Variants in PTPRG observed in about 807,000 individuals in gnomAD.
PTPRG encodes the protein receptor-type tyrosine-protein phosphatase gamma.
Under a neutral mutation model 165.3 loss-of-function variants are expected in PTPRG, and 102 were observed. That is an observed-to-expected ratio of 0.62 (90% CI 0.53 to 0.73). The LOEUF (loss-of-function observed/expected upper bound fraction) is 0.73. Ranked by LOEUF, PTPRG falls within the 30% of genes least tolerant of loss-of-function variation. The pLI is 0.00. For missense variants in PTPRG, 1,866 were observed against 1,861.4 expected (o/e 1.00, Z -0.05); for synonymous variants, 675 against 669.5 (o/e 1.01, Z -0.13).
chr3:61,725,118 A>G (rs1343394008), intron 1 of PTPRG, among the ~76,000 whole-genome samples: 1 of 152,052 alleles, frequency 6.6e-6, no homozygotes, highest in Non-Finnish European at 1.5e-5. Flanking sequence ...TTACATTTAA[A>G]TGTACAATCC....
intron 2 of PTPRG, among the ~76,000 whole-genome samples, chr3:61,761,508 G>C (rs921644276): frequency 6.6e-6 from 1 of 152,180 alleles, no homozygotes; most frequent in African/African-American, 2.4e-5. Context: ...AACCCTGGAG[G>C]TGGAGGTTGC....
At chr3:61,670,924 C>T (rs114900732) in intron 1 of PTPRG, among the ~76,000 whole-genome samples, 3 of 152,090 alleles carry the variant, frequency 2.0e-5, no homozygotes, top group East Asian at 1.9e-4. Flanking sequence ...GGGAGTGTGA[C>T]GTAGAGACAC....
intron 4 of PTPRG, among the ~76,000 whole-genome samples, chr3:62,035,282 C>T (rs187195130): frequency 1.3e-5 from 2 of 152,272 alleles, no homozygotes; most frequent in Admixed American, 1.3e-4. Context: ...ACCTCAGCAT[C>T]ACCTGGAAAT....
At chr3:61,923,563 C>T (rs182901225) in intron 2 of PTPRG, among the ~76,000 whole-genome samples, 6 of 136,362 alleles carry the variant, frequency 4.4e-5, no homozygotes, top group Admixed American at 2.2e-4. Context: ...CCCCTCCCCC[C>T]ACCCCACAAC....
At chr3:62,250,203 T>TA (rs1559706240) in intron 15 of PTPRG, among the ~76,000 whole-genome samples, 1 of 152,234 alleles carries the variant, frequency 6.6e-6, no homozygotes, top group Non-Finnish European at 1.5e-5. Context: ...CTCTATGAAT[T>TA]AAGTACTGTT....
intron 4 of PTPRG, among the ~76,000 whole-genome samples, chr3:62,039,258 G>GTTTTGT: frequency 7.4e-6 from 1 of 135,456 alleles, no homozygotes; most frequent in South Asian, 2.5e-4. Context: ...TTTTTTTTTG[G>GTTTTGT]TTTTGTTTTT....
intron 1 of PTPRG, among the ~76,000 whole-genome samples, chr3:61,575,564 T>C (rs1431575474): frequency 6.6e-6 from 1 of 151,536 alleles, no homozygotes; most frequent in African/African-American, 2.4e-5. Context: ...GAGATGTGTG[T>C]GCAAAGCACC....
intron 5 of PTPRG, among the ~76,000 whole-genome samples, chr3:62,111,223 C>T (rs1559519204): frequency 6.6e-6 from 1 of 152,208 alleles, no homozygotes; most frequent in Non-Finnish European, 1.5e-5. Flanking sequence ...AATCAACAGG[C>T]AGTGCCTGCG....
chr3:61,833,812 G>A (rs888115658), intron 2 of PTPRG, among the ~76,000 whole-genome samples: 4 of 152,098 alleles, frequency 2.6e-5, no homozygotes, highest in African/African-American at 9.7e-5. Context: ...CAGTGTGCCC[G>A]CCTCGGCCTC....
chr3:62,175,309 C>T (rs1265614909), intron 8 of PTPRG, among the ~76,000 whole-genome samples: 1 of 152,160 alleles, frequency 6.6e-6, no homozygotes, highest in Non-Finnish European at 1.5e-5. Flanking sequence ...CCTGAAACAC[C>T]TGTGGTCAGA....
intron 1 of PTPRG, among the ~76,000 whole-genome samples, chr3:61,681,026 A>G (rs1304536556): frequency 7.6e-6 from 1 of 131,268 alleles, no homozygotes; most frequent in Non-Finnish European, 1.6e-5. Flanking sequence ...TTTTAGTGAG[A>G]TTGAGTTAAT....
At position 61,671,329 on chromosome 3, in the gene PTPRG, G is replaced by T. The variant is rs538265336; in HGVS notation, c.86-77549G>T. 2.4e-4 allele frequency among the ~76,000 whole-genome samples: 37 copies of T among 151,950 alleles called. 1 individual carries two copies. Among genetic ancestry groups the T allele is most frequent in the Admixed American group, 2.4e-3 (36 of 15,272 alleles). On this transcript the variant is annotated intron_variant, in intron 1 of 29. Transcript: ENST00000474889. ...GTCCCTGGGTACTTGAGACTAGGGA[G>T]TGGTGATGACTCGTAAGGAGCATGC...
chr3:62,203,247 C>T lies in PTPRG; in HGVS notation c.1452C>T (p.Gly484=). ...GGTCTTCTACCTGGACGTCCTCTGG[C>T]ATCCCATTCTCATTTGTTTCCATGG... ...SSGSSTWTSS[G]IPFSFVSMAT... The change falls in exon 12 of 30, where the codon GGC becomes GGT. Residue 484 remains glycine (G), a synonymous_variant. Transcript: ENST00000474889. This position sits in a 1 kb window ranked among gnomAD's most constrained non-coding sequence, Gnocchi z 6.4. The T allele has an allele frequency of 6.2e-7, 1 of 1,613,944 alleles. No individual in the cohort carries two copies. Among genetic ancestry groups the T allele is most frequent in the African/African-American group, 1.3e-5 (1 of 75,006 alleles).
At chr3:61,712,109 G>C (rs2031589114) in intron 1 of PTPRG, among the ~76,000 whole-genome samples, 1 of 152,082 alleles carries the variant, frequency 6.6e-6, no homozygotes, top group Admixed American at 6.5e-5. Context: ...GGCCAGGCTG[G>C]TGTCGAACTC....
intron 2 of PTPRG, among the ~76,000 whole-genome samples, chr3:61,877,711 G>A (rs1241354593): frequency 3.9e-5 from 6 of 152,190 alleles, no homozygotes; most frequent in African/African-American, 1.2e-4. Context: ...TAATGAAAAT[G>A]ATGACAGTAA....
At chr3:61,618,492 T>C (rs1701361721) in intron 1 of PTPRG, among the ~76,000 whole-genome samples, 2 of 152,170 alleles carry the variant, frequency 1.3e-5, no homozygotes, top group South Asian at 4.1e-4. Context: ...CTGATTATAA[T>C]TGCAGATGGC....
At chr3:62,122,400 T>C (rs1703108632) in intron 5 of PTPRG, among the ~76,000 whole-genome samples, 1 of 152,196 alleles carries the variant, frequency 6.6e-6, no homozygotes, top group Admixed American at 6.5e-5. Context: ...AGTGAATTGA[T>C]ACTTAATCTG....
intron 1 of PTPRG, among the ~76,000 whole-genome samples, chr3:61,573,705 C>A (rs1700114154): frequency 6.6e-6 from 1 of 152,130 alleles, no homozygotes; most frequent in Admixed American, 6.5e-5. Flanking sequence ...TGAGGGCTGA[C>A]AGAATGAGTA....
intron 2 of PTPRG, among the ~76,000 whole-genome samples, chr3:61,769,143 A>G (rs2034128227): frequency 6.6e-6 from 1 of 152,214 alleles, no homozygotes; most frequent in Non-Finnish European, 1.5e-5. Context: ...AAACAATGAC[A>G]TTTGAATTTA....
Sources: gnomAD v4.1 joint callset for allele counts (sites outside exome capture counted in the v4.1 genomes callset) on GRCh38, gnomAD v4.1.1 for gene constraint, Gnocchi (gnomAD v3.1) non-coding constraint, MANE v1.5 for transcripts, NCBI Gene and HGNC (gene_info 2026-07-23, HGNC 2026-07-21) for gene names.